ZNF492: variants seen among roughly 807,000 people sequenced by gnomAD.
ZNF492 encodes the protein zinc finger protein 492, also known as zinc finger protein 115 (Y20).
A neutral mutation model predicts 6.4 loss-of-function variants in ZNF492; 3 were observed. The observed-to-expected ratio is 0.47, with a 90% CI of 0.21 to 1.22. ZNF492 has a LOEUF of 1.22. ZNF492 is among the 50% of genes most tolerant of loss of function. The pLI is 0.22. For synonymous variants in ZNF492, 112 were observed against 205.3 expected (o/e 0.55, Z 3.89); for missense variants, 356 against 612.5 (o/e 0.58, Z 4.42).
chr19:22,647,734 T>TTTTTTTTGTTTG (rs1568353785), intron 1 of ZNF492, among the ~76,000 whole-genome samples: 1 of 139,130 alleles, frequency 7.2e-6, no homozygotes, highest in African/African-American at 2.9e-5. Flanking sequence ...TTAGTTTTTT[T>TTTTTTTTGTTTG]TTTTTTTTTT....
chr19:22,636,863 A>G (rs1971772205), intron 1 of ZNF492, among the ~76,000 whole-genome samples: 1 of 149,042 alleles, frequency 6.7e-6, no homozygotes, highest in African/African-American at 2.5e-5. Context: ...TGAACTCCTG[A>G]CCTCAAGTGA....
intron 3 of ZNF492, among the ~76,000 whole-genome samples, chr19:22,654,692 C>T (rs1416279723): frequency 6.6e-6 from 1 of 150,538 alleles, no homozygotes; most frequent in African/African-American, 2.4e-5. Flanking sequence ...ACCTCTGCCT[C>T]CTGGGTTCAA....
At chr19:22,663,594 G>A (rs1346856439) in intron 3 of ZNF492, among the ~76,000 whole-genome samples, 2 of 151,996 alleles carry the variant, frequency 1.3e-5, no homozygotes, top group Non-Finnish European at 2.9e-5. Context: ...GGCTCACCTG[G>A]GGCACTGCAC....
At chr19:22,636,380 G>A (rs1025479473) in intron 1 of ZNF492, among the ~76,000 whole-genome samples, 18 of 152,066 alleles carry the variant, frequency 1.2e-4, no homozygotes, top group African/African-American at 4.3e-4. Context: ...ACAGGCATGA[G>A]CCACCGCGCC....
Position 22,658,821 on chromosome 19 carries a change from T to C in ZNF492, c.130+4806T>C, listed in dbSNP as rs1376215125. Among the ~76,000 whole-genome samples, 15 of 143,816 alleles carry C rather than the reference T, an allele frequency of 1.0e-4. No individual in the cohort carries two copies. In the East Asian group the frequency reaches 2.6e-3, roughly 25 times the overall value. 94.3% of individuals were successfully genotyped at this position (143,816 alleles called of 152,430 possible). A position where few individuals can be genotyped will look rare whatever the true frequency, so the allele number is the denominator to read the frequency against. ...ATGCAAATGACTCTTCATGTGACCA[T>C]ATATGTGAGAGTTTATATATGTGCT... On this transcript the variant is annotated intron_variant, in intron 3 of 3. Transcript: ENST00000456783.
chr19:22,637,998 TA>T (rs1365082757), intron 1 of ZNF492, among the ~76,000 whole-genome samples: 1 of 152,246 alleles, frequency 6.6e-6, no homozygotes, highest in Admixed American at 6.5e-5. Context: ...TTATGCTCGT[TA>T]ACCACATGTA....
chr19:22,645,247 A>G (rs1971866066), intron 1 of ZNF492, among the ~76,000 whole-genome samples: 1 of 152,000 alleles, frequency 6.6e-6, no homozygotes, highest in Non-Finnish European at 1.5e-5. Context: ...GGGTTTCACC[A>G]TATTGGCCAG....
intron 1 of ZNF492, among the ~76,000 whole-genome samples, chr19:22,638,069 T>G (rs527944466): frequency 5.2e-4 from 79 of 152,324 alleles, no homozygotes; most frequent in Non-Finnish European, 9.7e-4. Context: ...GGTCTTTTTT[T>G]TCCTGTAACT....
chr19:22,651,847 AAAT>A (rs3033251), intron 1 of ZNF492, among the ~76,000 whole-genome samples: 4 of 151,838 alleles, frequency 2.6e-5, no homozygotes, highest in Admixed American at 1.3e-4. Context: ...GAAAGTTTAA[AAAT>A]AATAATAATT....
At chr19:22,656,461 A>G (rs1218475472) in intron 3 of ZNF492, among the ~76,000 whole-genome samples, 1 of 152,030 alleles carries the variant, frequency 6.6e-6, no homozygotes, top group East Asian at 1.9e-4. Context: ...AGGATTTCCC[A>G]TGGTCACTGT....
chr19:22,658,111 C>T (rs71355983), intron 3 of ZNF492, among the ~76,000 whole-genome samples: 29,178 of 151,644 alleles, frequency 0.19, 3,695 homozygotes, highest in African/African-American at 0.36. Context: ...AAATTTACCA[C>T]CTTAAATCTA....
At position 22,667,494 on chromosome 19, in the gene ZNF492, G is replaced by A. The variant is rs1972143466; in HGVS notation, c.*2229G>A. On this transcript the variant is annotated 3_prime_UTR_variant, in exon 4 of 4. Coordinates refer to ENST00000456783, the MANE Select transcript of ZNF492 (RefSeq NM_020855.3). ...TAATAATCACATTAGGGTAAATGAG[G>A]TATCCATCACCTTTAGAATTTATTT... 2 of 151,828 alleles carry A rather than the reference G, an allele frequency of 1.3e-5. No homozygotes were observed. The highest frequency in any genetic ancestry group is 4.1e-4 in the South Asian group (2 of 4,820). 9.4% of individuals were successfully genotyped at this position (151,828 alleles called of 1,614,324 possible).
intron 3 of ZNF492, among the ~76,000 whole-genome samples, chr19:22,657,176 TAGAC>T (rs1475476020): frequency 6.6e-6 from 1 of 152,092 alleles, no homozygotes; most frequent in Non-Finnish European, 1.5e-5. Context: ...AGGTAATTAG[TAGAC>T]AGACAAAAAG....
chr19:22,666,227 C>G lies in ZNF492; in HGVS notation c.*962C>G, dbSNP rs1185200965. 8.7e-5 allele frequency: 11 copies of G among 127,048 alleles called. No individual in the cohort carries two copies. The highest frequency in any genetic ancestry group is 4.7e-4 in the African/African-American group (10 of 21,260). 7.9% of individuals were successfully genotyped at this position (127,048 alleles called of 1,614,324 possible). On this transcript the variant is annotated 3_prime_UTR_variant, in exon 4 of 4. Coordinates refer to ENST00000456783, the MANE Select transcript of ZNF492 (RefSeq NM_020855.3). ...TTTTAGATGGAGTCTTGCTCTATCG[C>G]CCCCCCAGGCTGGAGTACAGTGGCA...
Position 22,664,926 on chromosome 19 carries a change from A to T in ZNF492, c.1257A>T (p.Lys419Asn), listed in dbSNP as rs535057915. ...TTHKIIHTGE[K>N]PYKCEECGKA... ...ATAAGATAATTCATACTGGAGAGAAACCCTACAAATGTGAAGAATGTGGCA... is the reference window on the plus strand; with the variant it reads ...ATAAGATAATTCATACTGGAGAGAATCCCTACAAATGTGAAGAATGTGGCA... The change falls in exon 4 of 4, where the codon AAA becomes AAT. Residue 419 changes from lysine to asparagine, a missense_variant. Lys to Asn is a moderately conservative substitution (Grantham distance 94, BLOSUM62 0). Transcript: ENST00000456783. 6.2e-7 allele frequency: 1 copy of T among 1,610,036 alleles called. No homozygotes were observed. The highest frequency in any genetic ancestry group is 1.1e-5 in the South Asian group (1 of 90,910).
rs1462300795 is a variant in ZNF492 at position 22,666,394 on chromosome 19, T to C, written c.*1129T>C. ...TTAATAGAGCCAGGGTTTTGCCATG[T>C]TGGCCAGGCTGGTCTCGAACTCGAG... On this transcript the variant is annotated 3_prime_UTR_variant, in exon 4 of 4. Transcript: ENST00000456783. 1 of 152,160 alleles carries C rather than the reference T, an allele frequency of 6.6e-6. No individual in the cohort carries two copies. The highest frequency in any genetic ancestry group is 1.5e-5 in the Non-Finnish European group (1 of 68,034). 9.4% of individuals were successfully genotyped at this position (152,160 alleles called of 1,614,324 possible).
intron 1 of ZNF492, among the ~76,000 whole-genome samples, chr19:22,636,717 C>T (rs1410422974): frequency 6.6e-6 from 1 of 151,314 alleles, no homozygotes; most frequent in African/African-American, 2.4e-5. Flanking sequence ...TCACTGCAAC[C>T]TCTGCCTCCC....
intron 1 of ZNF492, among the ~76,000 whole-genome samples, chr19:22,648,317 T>G (rs1971905227): frequency 6.6e-6 from 1 of 152,194 alleles, no homozygotes; most frequent in Non-Finnish European, 1.5e-5. Flanking sequence ...AGAGACTGTT[T>G]GTTACCATTT....
At chr19:22,638,558 T>C (rs1319734359) in intron 1 of ZNF492, among the ~76,000 whole-genome samples, 1 of 152,166 alleles carries the variant, frequency 6.6e-6, no homozygotes, top group African/African-American at 2.4e-5. Context: ...CTCTATTCTG[T>C]TGTATTGGTC....
Sources: gnomAD v4.1 joint callset for allele counts (sites outside exome capture counted in the v4.1 genomes callset) on GRCh38, gnomAD v4.1.1 for gene constraint, MANE v1.5 for transcripts, NCBI Gene and HGNC (gene_info 2026-07-23, HGNC 2026-07-21) for gene names.